Variants in VPS13A observed in about 807,000 individuals in gnomAD.
VPS13A encodes the protein vacuolar protein sorting 13 homolog A, also known as intermembrane lipid transfer protein VPS13A.
VPS13A carries 264 observed loss-of-function variants against 390.9 expected under a neutral mutation model. That is an observed-to-expected ratio of 0.68 (90% confidence interval 0.61 to 0.75). The LOEUF (loss-of-function observed/expected upper bound fraction) is 0.75. Ranked by LOEUF, VPS13A falls within the 30% of genes least tolerant of loss-of-function variation. The pLI is 0.00. For missense variants in VPS13A, 3,409 were observed against 3,733.9 expected (o/e 0.91, Z 2.27); for synonymous variants, 1,231 against 1,227.1 (o/e 1.00, Z -0.07).
intron 52 of VPS13A, among the ~76,000 whole-genome samples, chr9:77,346,674 G>C (rs1306955405): frequency 6.6e-6 from 1 of 152,100 alleles, no homozygotes; most frequent in Non-Finnish European, 1.5e-5. Flanking sequence ...TTAAGTCTTT[G>C]ATCGATCTTG....
chr9:77,272,106 CAAAT>C (rs1826384030), intron 23 of VPS13A, among the ~76,000 whole-genome samples: 1 of 152,104 alleles, frequency 6.6e-6, no homozygotes, highest in African/African-American at 2.4e-5. Flanking sequence ...ATGGCAAACA[CAAAT>C]AACCAAGGAA....
rs1208158257 is a variant in VPS13A at position 77,340,613 on chromosome 9, C to CCTAA, written c.7026+64_7026+67dup. 9 of 1,583,190 alleles carry CCTAA rather than the reference C, an allele frequency of 5.7e-6. No homozygotes were observed. The East Asian group carries it at 2.0e-4, about 36-fold the overall frequency. On this transcript the variant is annotated intron_variant, in intron 50 of 71. Coordinates refer to ENST00000360280, the MANE Select transcript of VPS13A (RefSeq NM_033305.3). ...TCTATTTTCTCCTTGAAGTTAGATA[C>CCTAA]CTAAAGTCACCATGTAATGTTTTAA...
intron 68 of VPS13A, chr9:77,390,034 C>A (rs1833842482): frequency 1.0e-6 from 1 of 981,918 alleles, no homozygotes; most frequent in Non-Finnish European, 1.2e-6. Context: ...GTGGTCTTTC[C>A]CTTTACTTCA....
intron 40 of VPS13A, 88 bp from the exon 41 acceptor site, chr9:77,318,143 GTATT>G (rs1829516448): frequency 2.9e-6 from 2 of 694,796 alleles, no homozygotes; most frequent in Non-Finnish European, 2.3e-6. Flanking sequence ...TGTTAATTCA[GTATT>G]TAATTTCTCA....
intron 35 of VPS13A, among the ~76,000 whole-genome samples, chr9:77,313,063 A>G (rs970651703): frequency 3.3e-5 from 5 of 152,204 alleles, no homozygotes; most frequent in Non-Finnish European, 5.9e-5. Context: ...AAACTATTTC[A>G]TTCCATAGAG....
intron 5 of VPS13A, among the ~76,000 whole-genome samples, chr9:77,206,331 A>T (rs923559153): frequency 6.0e-5 from 9 of 149,214 alleles, no homozygotes; most frequent in South Asian, 4.2e-4. Flanking sequence ...CATATTTTTT[A>T]TATATATATA....
intron 59 of VPS13A, among the ~76,000 whole-genome samples, chr9:77,364,365 C>A (rs1832320817): frequency 6.6e-6 from 1 of 152,094 alleles, no homozygotes; most frequent in Admixed American, 6.5e-5. Context: ...GCACAAGTTG[C>A]AGTGAGCCGA....
intron 54 of VPS13A, among the ~76,000 whole-genome samples, chr9:77,355,461 A>G (rs1224085530): frequency 1.3e-5 from 2 of 152,202 alleles, no homozygotes; most frequent in Non-Finnish European, 2.9e-5. Flanking sequence ...TGAGGCTCTT[A>G]GACCTGGTCC....
At chr9:77,242,648 C>G (rs1449185084) in intron 19 of VPS13A, among the ~76,000 whole-genome samples, 1 of 151,864 alleles carries the variant, frequency 6.6e-6, no homozygotes, top group East Asian at 1.9e-4. Flanking sequence ...CAGGCTACTT[C>G]TAGTCAGTTT....
intron 33 of VPS13A, among the ~76,000 whole-genome samples, chr9:77,297,591 G>T (rs565398714): frequency 4.6e-5 from 7 of 151,606 alleles, no homozygotes; most frequent in African/African-American, 1.7e-4. Flanking sequence ...GGGGGGCAGG[G>T]TTGTTTCAAG....
At chr9:77,412,299 A>T (rs1377923875) in intron 71 of VPS13A, among the ~76,000 whole-genome samples, 2 of 152,176 alleles carry the variant, frequency 1.3e-5, no homozygotes, top group Non-Finnish European at 2.9e-5. Context: ...AAAAAAAGAG[A>T]ATTTTAGACC....
At position 77,313,609 on chromosome 9, in the gene VPS13A, G is replaced by A. The variant is rs1367271791; in HGVS notation, c.4115-383G>A. On this transcript the variant is annotated intron_variant, in intron 35 of 71. Transcript: ENST00000360280. ...AGAAAAATTTTAAAAATGTCTCTTG[G>A]TTTTAGTTTTTTAAAGTAAAATTTG... Among the ~76,000 whole-genome samples, 3 of 152,038 alleles carry A rather than the reference G, an allele frequency of 2.0e-5. No individual in the cohort carries two copies. The East Asian group carries it at 5.8e-4, about 29-fold the overall frequency.
At chr9:77,177,905 C>A in intron 1 of VPS13A, 101 bp downstream of exon 1, 2 of 1,118,714 alleles carry the variant, frequency 1.8e-6, no homozygotes, top group Non-Finnish European at 2.6e-6. Flanking sequence ...GCACCTTGCT[C>A]GCCGGGTGCA....
intron 45 of VPS13A, among the ~76,000 whole-genome samples, chr9:77,327,814 C>T (rs1830089193): frequency 6.6e-6 from 1 of 152,114 alleles, no homozygotes; most frequent in African/African-American, 2.4e-5. Flanking sequence ...ACCATATCTG[C>T]AGTGACTTGC....
At chr9:77,188,664 CT>C (rs1219040078) in intron 1 of VPS13A, among the ~76,000 whole-genome samples, 4 of 152,130 alleles carry the variant, frequency 2.6e-5, no homozygotes, top group African/African-American at 9.7e-5. Flanking sequence ...AATGGTAGTT[CT>C]TAATTCTTTG....
At chr9:77,406,764 GTC>G (rs953355133) in intron 70 of VPS13A, among the ~76,000 whole-genome samples, 82 of 151,594 alleles carry the variant, frequency 5.4e-4, no homozygotes, top group African/African-American at 1.8e-3. Flanking sequence ...TTCTTCTAGT[GTC>G]TGTATTTGCA....
Position 77,237,995 on chromosome 9 carries a change from A to C in VPS13A, c.1596-7A>C, listed in dbSNP as rs754256562. The stretch of plus-strand genomic sequence containing the variant: ...TCGCTGACTTTTTTCTTTTTTTTTT[A>C]ATGCAGATTTGAAACTAAAATAGAT... On this transcript the variant is annotated splice_polypyrimidine_tract_variant and splice_region_variant and intron_variant, in intron 17 of 71. Coordinates refer to ENST00000360280, the MANE Select transcript of VPS13A (RefSeq NM_033305.3). The C allele has an allele frequency of 8.3e-6, 13 of 1,562,126 alleles. No homozygotes were observed. The highest frequency in any genetic ancestry group is 1.1e-5 in the Non-Finnish European group (13 of 1,142,060).
At chr9:77,394,099 C>T (rs1474145728) in intron 68 of VPS13A, among the ~76,000 whole-genome samples, 1 of 152,082 alleles carries the variant, frequency 6.6e-6, no homozygotes, top group Non-Finnish European at 1.5e-5. Flanking sequence ...GAGTCTCACT[C>T]TGTCACCCAG....
Position 77,370,504 on chromosome 9 carries a change from A to G in VPS13A, c.8833A>G (p.Arg2945Gly). ...MTMDEDYQQK[R>G]REAMNKQPAG... ...CATGGATGAAGACTACCAACAGAAG[A>G]GAAGAGAAGCCATGAATAAGCAACC... The change falls in exon 65 of 72, where the codon AGA becomes GGA. Residue 2945 changes from arginine (R) to glycine (G), a missense_variant. By Grantham distance (125) the Arg-to-Gly change is moderately radical. This residue lies in a region of VPS13A where 318 missense variants were observed against 333.7 expected (regional missense o/e 0.95). Coordinates refer to ENST00000360280, the MANE Select transcript of VPS13A (RefSeq NM_033305.3). The G allele has an allele frequency of 6.2e-7, 1 of 1,614,176 alleles. No homozygotes were observed. Among genetic ancestry groups the G allele is most frequent in the Non-Finnish European group, 8.5e-7 (1 of 1,180,032 alleles).
Sources: gnomAD v4.1 joint callset for allele counts (sites outside exome capture counted in the v4.1 genomes callset) on GRCh38, gnomAD v4.1.1 for gene constraint, gnomAD v4.1.1 regional missense constraint, MANE v1.5 for transcripts, NCBI Gene and HGNC (gene_info 2026-07-23, HGNC 2026-07-21) for gene names.